KDM4C: variants seen among roughly 807,000 people sequenced by gnomAD.
The protein encoded by KDM4C is lysine demethylase 4C, also known as lysine-specific demethylase 4C.
KDM4C carries 81 observed loss-of-function variants against 129.3 expected under a neutral mutation model. The ratio of observed to expected loss-of-function variants is 0.63; its 90% CI spans 0.52 to 0.75. The LOEUF is 0.75. Ranked by LOEUF, KDM4C falls within the 30% of genes least tolerant of loss-of-function variation. KDM4C has a pLI of 0.00. For missense variants in KDM4C, 1,457 were observed against 1,304.0 expected (o/e 1.12, Z -1.81); for synonymous variants, 573 against 456.1 (o/e 1.26, Z -3.26).
At chr9:6,863,824 G>C (rs1841437769) in intron 5 of KDM4C, among the ~76,000 whole-genome samples, 1 of 149,094 alleles carries the variant, frequency 6.7e-6, no homozygotes, top group Non-Finnish European at 1.5e-5. Flanking sequence ...AGAGAGAGAA[G>C]GAAGGGAGGG....
intron 1 of KDM4C, chr9:6,726,380 T>G (rs1216419144): frequency 6.6e-6 from 1 of 152,276 alleles, no homozygotes; most frequent in Non-Finnish European, 1.5e-5. Flanking sequence ...CCCCTGACAC[T>G]GCTCGCTCAG....
intron 17 of KDM4C, among the ~76,000 whole-genome samples, chr9:7,094,961 A>C (rs936637911): frequency 6.6e-6 from 1 of 152,184 alleles, no homozygotes; most frequent in Admixed American, 6.5e-5. Flanking sequence ...GAAAAGGAAG[A>C]CTACCCCAGC....
intron 1 of KDM4C, among the ~76,000 whole-genome samples, chr9:6,789,293 T>A (rs1463270537): frequency 6.8e-6 from 1 of 146,702 alleles, no homozygotes; most frequent in African/African-American, 2.5e-5. Context: ...TGATCTCAGC[T>A]CACTGCAACC....
Position 6,861,479 on chromosome 9 carries a change from T to A in KDM4C, c.629+11779T>A, listed in dbSNP as rs374633762. Among the ~76,000 whole-genome samples, 50 of 152,358 alleles carry A rather than the reference T, an allele frequency of 3.3e-4. No individual in the cohort carries two copies. The South Asian group carries it at 9.3e-3, about 28-fold the overall frequency. ...TGTGATGCCTTGATTAGAACTAGTC[T>A]GATATATAGGAAATTTTAGAATTAT... is the stretch of plus-strand genomic sequence containing the variant. On this transcript the variant is annotated intron_variant, in intron 5 of 21. Coordinates refer to ENST00000381309, the MANE Select transcript of KDM4C (RefSeq NM_015061.6).
intron 5 of KDM4C, among the ~76,000 whole-genome samples, chr9:6,861,524 A>G (rs543751009): frequency 7.9e-5 from 12 of 152,338 alleles, no homozygotes; most frequent in Non-Finnish European, 1.5e-4. Context: ...CTTATTAGAA[A>G]TGTTCAGCCA....
intron 1 of KDM4C, among the ~76,000 whole-genome samples, chr9:6,780,472 C>T (rs964355864): frequency 1.3e-5 from 2 of 151,602 alleles, no homozygotes; most frequent in African/African-American, 4.8e-5. Context: ...CACAAAAAAA[C>T]GAAAGAGAAA....
In KDM4C at chr9:6,952,411, G is replaced by GTATATA. The variant is rs61217461; in HGVS notation, c.922-28499_922-28494dup. Among the ~76,000 whole-genome samples, 29 of 145,148 alleles carry GTATATA rather than the reference G, an allele frequency of 2.0e-4. 1 individual carries two copies. Among genetic ancestry groups the GTATATA allele is most frequent in the African/African-American group, 5.3e-4 (21 of 39,648 alleles). On this transcript the variant is annotated intron_variant, in intron 8 of 21. Transcript: ENST00000381309. ...GAAATTGTTCACAGTGTGTATGTGT[G>GTATATA]TATATATATATATATATATAATAAT... is the stretch of plus-strand genomic sequence containing the variant.
chr9:6,853,862 C>T (rs895244986), intron 5 of KDM4C, among the ~76,000 whole-genome samples: 3 of 152,128 alleles, frequency 2.0e-5, no homozygotes, highest in Admixed American at 6.5e-5. Context: ...TCACTACACT[C>T]CTTTCATCAT....
At chr9:6,919,146 C>A (rs536038886) in intron 8 of KDM4C, among the ~76,000 whole-genome samples, 1 of 152,108 alleles carries the variant, frequency 6.6e-6, no homozygotes, top group African/African-American at 2.4e-5. Context: ...CCACCACGCC[C>A]AGCCTACTCA....
chr9:6,797,415 A>G (rs923137651), intron 2 of KDM4C, among the ~76,000 whole-genome samples: 1 of 152,058 alleles, frequency 6.6e-6, no homozygotes, highest in Non-Finnish European at 1.5e-5. Context: ...TCTCTTTCCC[A>G]TTTTTTAGAT....
At chr9:6,942,805 G>A (rs1434142816) in intron 8 of KDM4C, among the ~76,000 whole-genome samples, 1 of 152,138 alleles carries the variant, frequency 6.6e-6, no homozygotes, top group African/African-American at 2.4e-5. Context: ...GAATATAGAA[G>A]GAAGCATAGG....
At chr9:6,867,017 ATT>A (rs139668753) in intron 5 of KDM4C, among the ~76,000 whole-genome samples, 18,895 of 83,570 alleles carry the variant, frequency 0.23, 1,523 homozygotes, top group South Asian at 0.47. Flanking sequence ...ATATATATAT[ATT>A]TTTTTTTTTT....
At chr9:6,780,846 C>T (rs2130760088) in intron 1 of KDM4C, among the ~76,000 whole-genome samples, 1 of 151,088 alleles carries the variant, frequency 6.6e-6, no homozygotes, top group Non-Finnish European at 1.5e-5. Flanking sequence ...TTCAGCTCTC[C>T]AGAATGCAGT....
chr9:6,904,575 C>T (rs1319782758), intron 8 of KDM4C, among the ~76,000 whole-genome samples: 2 of 152,070 alleles, frequency 1.3e-5, no homozygotes, highest in East Asian at 1.9e-4. Flanking sequence ...GCTTGGTGCA[C>T]GGGTCCAGTC....
At chr9:6,997,955 T>TTA in intron 12 of KDM4C, among the ~76,000 whole-genome samples, 2 of 152,354 alleles carry the variant, frequency 1.3e-5, no homozygotes, top group South Asian at 4.1e-4. Context: ...CCAAGTGTAC[T>TTA]GTGTTTAGTC....
At chr9:7,169,468 T>G (rs1347431807) in intron 20 of KDM4C, among the ~76,000 whole-genome samples, 1 of 152,200 alleles carries the variant, frequency 6.6e-6, no homozygotes, top group Non-Finnish European at 1.5e-5. Flanking sequence ...CCTGAGTAGC[T>G]GGGACTACAG....
intron 15 of KDM4C, among the ~76,000 whole-genome samples, chr9:7,017,965 G>A (rs1305452904): frequency 6.6e-6 from 1 of 152,180 alleles, no homozygotes; most frequent in African/African-American, 2.4e-5. Flanking sequence ...TTTATGGTCT[G>A]AATAATCTGG....
At chr9:6,724,721 G>C (rs1001667030) in intron 1 of KDM4C, among the ~76,000 whole-genome samples, 5 of 151,964 alleles carry the variant, frequency 3.3e-5, no homozygotes, top group Non-Finnish European at 7.4e-5. Flanking sequence ...AGTAGAGATG[G>C]GGTTTCACCA....
chr9:6,957,106 T>A (rs777452087), intron 8 of KDM4C, among the ~76,000 whole-genome samples: 6 of 152,196 alleles, frequency 3.9e-5, no homozygotes, highest in Admixed American at 3.3e-4. Flanking sequence ...GTTTGTGATA[T>A]TTTTCAAGCT....
Sources: allele counts gnomAD v4.1 joint callset (sites outside exome capture counted in the v4.1 genomes callset), GRCh38; gene constraint gnomAD v4.1.1; transcripts MANE v1.5; gene names NCBI Gene and HGNC (gene_info 2026-07-23, HGNC 2026-07-21).